IFT81: variants seen among roughly 807,000 people sequenced by gnomAD.
The protein encoded by IFT81 is intraflagellar transport 81.
IFT81 carries 72 observed loss-of-function variants against 102.6 expected under a neutral mutation model. The ratio of observed to expected loss-of-function variants is 0.70; its 90% CI spans 0.58 to 0.85. The LOEUF is 0.85. Ranked by LOEUF, IFT81 falls within the 40% of genes least tolerant of loss-of-function variation. The pLI is 0.00. For synonymous variants in IFT81, 237 were observed against 242.7 expected, an observed-to-expected ratio of 0.98 and a Z score of 0.22; for missense variants, 723 against 787.3, an observed-to-expected ratio of 0.92 and a Z score of 0.98.
chr12:110,148,059 T>A (rs887499411), intron 10 of IFT81, among the ~76,000 whole-genome samples: 2 of 152,200 alleles, frequency 1.3e-5, no homozygotes, highest in Admixed American at 6.6e-5. Flanking sequence ...TTATTTATTT[T>A]TTGCTGTCAC....
chr12:110,184,671 G>A (rs1897446777), intron 12 of IFT81, among the ~76,000 whole-genome samples: 1 of 152,202 alleles, frequency 6.6e-6, no homozygotes, highest in African/African-American at 2.4e-5. Flanking sequence ...TGAAAGGAAA[G>A]GGCAAAGGAA....
chr12:110,179,769 TATATACACACACAC>T (rs1179838688), intron 11 of IFT81, among the ~76,000 whole-genome samples: 1 of 65,380 alleles, frequency 1.5e-5, no homozygotes, highest in Non-Finnish European at 3.0e-5. Flanking sequence ...TATATATATA[TATATACACACACAC>T]ACACACACAC....
chr12:110,150,362 C>T (rs1895458227), intron 10 of IFT81, among the ~76,000 whole-genome samples: 2 of 152,060 alleles, frequency 1.3e-5, no homozygotes, highest in African/African-American at 4.8e-5. Context: ...CAGGTGTGAG[C>T]CACCGCACCC....
chr12:110,146,550 CTA>C (rs2137373241), intron 9 of IFT81, among the ~76,000 whole-genome samples: 1 of 152,246 alleles, frequency 6.6e-6, no homozygotes, highest in Admixed American at 6.5e-5. Flanking sequence ...ATGATTAAAT[CTA>C]TATAAGTAAT....
intron 11 of IFT81, among the ~76,000 whole-genome samples, chr12:110,178,098 GA>G (rs994383088): frequency 5.6e-5 from 8 of 142,540 alleles, no homozygotes; most frequent in African/African-American, 7.7e-5. Flanking sequence ...CTGTCTCAAA[GA>G]AAAAAAAAAT....
chr12:110,154,222 A>G (rs1212280806), intron 10 of IFT81, among the ~76,000 whole-genome samples: 3 of 150,278 alleles, frequency 2.0e-5, no homozygotes, highest in Non-Finnish European at 4.4e-5. Context: ...TGACCTCATG[A>G]TAGACCTGCC....
chr12:110,200,418 G>A (rs1054796349), intron 14 of IFT81, among the ~76,000 whole-genome samples: 1 of 152,046 alleles, frequency 6.6e-6, no homozygotes, highest in Non-Finnish European at 1.5e-5. Flanking sequence ...CATAGAAAAG[G>A]TACAGTAAAA....
chr12:110,218,306 C>A lies in IFT81; in HGVS notation c.*80C>A. ...CTCATAATGTATTTCTTTTTTGAAA[C>A]TGATTTGTATAGCATTTTGTTTTCA... On this transcript the variant is annotated 3_prime_UTR_variant, in exon 19 of 19. Coordinates refer to ENST00000242591, the MANE Select transcript of IFT81 (RefSeq NM_014055.4). 1.8e-6 allele frequency: 2 copies of A among 1,094,506 alleles called. No homozygotes were observed. The highest frequency in any genetic ancestry group is 2.5e-6 in the Non-Finnish European group (2 of 793,884). 67.8% of individuals were successfully genotyped at this position (1,094,506 alleles called of 1,614,324 possible).
intron 11 of IFT81, among the ~76,000 whole-genome samples, chr12:110,166,687 T>A (rs1178686591): frequency 1.3e-5 from 2 of 151,134 alleles, no homozygotes; most frequent in African/African-American, 4.9e-5. Context: ...AATGGCAATA[T>A]TTTATTGCCA....
chr12:110,178,148 T>C (rs1306540455), intron 11 of IFT81, among the ~76,000 whole-genome samples: 1 of 150,498 alleles, frequency 6.6e-6, no homozygotes, highest in African/African-American at 2.4e-5. Flanking sequence ...GCACAGTTGC[T>C]CATGCCTGTA....
intron 4 of IFT81, 87 bp from the exon 5 acceptor site, chr12:110,132,460 A>T: frequency 6.9e-6 from 1 of 145,118 alleles, no homozygotes; most frequent in Non-Finnish European, 1.4e-5. Flanking sequence ...AGTCTGTCTC[A>T]AAAAAAAAAA....
chr12:110,173,378 G>C (rs1380011327), intron 11 of IFT81, among the ~76,000 whole-genome samples: 1 of 147,388 alleles, frequency 6.8e-6, no homozygotes, highest in Non-Finnish European at 1.5e-5. Flanking sequence ...CGCCTCGTCC[G>C]GGAGGTGAGG....
chr12:110,187,752 G>A (rs1001951754), intron 12 of IFT81, among the ~76,000 whole-genome samples: 1 of 151,944 alleles, frequency 6.6e-6, no homozygotes, highest in Non-Finnish European at 1.5e-5. Context: ...TAGCTTTTTT[G>A]TTTTGTTTTG....
rs575878265 is a variant in IFT81, at chr12:110,210,824, T to C, written c.1848+1608T>C. Among the ~76,000 whole-genome samples, 14 of 152,090 alleles carry C rather than the reference T, an allele frequency of 9.2e-5. 1 individual carries two copies. The highest frequency in any genetic ancestry group is 2.7e-4 in the African/African-American group (11 of 41,490). On this transcript the variant is annotated intron_variant, in intron 18 of 18. Coordinates refer to ENST00000242591, the MANE Select transcript of IFT81 (RefSeq NM_014055.4). Reference sequence around the variant, plus strand: ...TTGTTAAACAATAACAATTGGATGTTAACATCCGATACCTAGTGTTCAAAA... The same window carrying C: ...TTGTTAAACAATAACAATTGGATGTCAACATCCGATACCTAGTGTTCAAAA...
intron 10 of IFT81, among the ~76,000 whole-genome samples, chr12:110,148,367 T>A (rs61940947): frequency 9.2e-5 from 14 of 152,108 alleles, no homozygotes; most frequent in Admixed American, 3.3e-4. Flanking sequence ...GTGATAATGC[T>A]CGGTTGTCTG....
At chr12:110,199,970 G>A (rs548925508) in intron 14 of IFT81, among the ~76,000 whole-genome samples, 161 of 152,300 alleles carry the variant, frequency 1.1e-3, no homozygotes, top group African/African-American at 3.6e-3. Context: ...TAGACCCAAG[G>A]CTTTGCATCT....
chr12:110,215,826 T>A (rs1236579303), intron 18 of IFT81, among the ~76,000 whole-genome samples: 1 of 152,104 alleles, frequency 6.6e-6, no homozygotes, highest in African/African-American at 2.4e-5. Context: ...ATTCTTTTAT[T>A]CCTGTTTAAA....
chr12:110,218,116 G>A lies in IFT81; in HGVS notation c.1921G>A (p.Asp641Asn), dbSNP rs1188407957. The change falls in exon 19 of 19, where the codon GAT becomes AAT. Residue 641 changes from aspartate to asparagine, a missense_variant. Physicochemically the swap from Asp to Asn is conservative, Grantham distance 23. Coordinates refer to ENST00000242591, the MANE Select transcript of IFT81 (RefSeq NM_014055.4). ...TATGAAACAAGCAAAAATGTGGCGT[G>A]ATTTGGAACAATTAATGGAATGTAA... ...PNMKQAKMWR[D>N]LEQLMECKKQ... 1 of 1,601,620 alleles carries A rather than the reference G, an allele frequency of 6.2e-7. No homozygotes were observed. Among genetic ancestry groups the A allele is most frequent in the Non-Finnish European group, 8.5e-7 (1 of 1,176,432 alleles).
chr12:110,180,415 T>C lies in IFT81; in HGVS notation c.1189-7T>C. Reference sequence around the variant, plus strand: ...TCATTAGATTACATATTGTGTTTTTTTTACAGTTCAAACGATATGTCAATA... The same window carrying C: ...TCATTAGATTACATATTGTGTTTTTCTTACAGTTCAAACGATATGTCAATA... On this transcript the variant is annotated splice_polypyrimidine_tract_variant and splice_region_variant and intron_variant, in intron 11 of 18. Coordinates refer to ENST00000242591, the MANE Select transcript of IFT81 (RefSeq NM_014055.4). 1.9e-6 allele frequency: 3 copies of C among 1,574,148 alleles called. No homozygotes were observed. The highest frequency in any genetic ancestry group is 2.6e-6 in the Non-Finnish European group (3 of 1,150,540).
Sources: gnomAD v4.1 joint callset for allele counts (sites outside exome capture counted in the v4.1 genomes callset) on GRCh38, gnomAD v4.1.1 for gene constraint, MANE v1.5 for transcripts, NCBI Gene and HGNC (gene_info 2026-07-23, HGNC 2026-07-21) for gene names.